Variants in OTUD7B observed in about 807,000 individuals in gnomAD.
OTUD7B encodes OTU domain-containing protein 7B.
A neutral mutation model predicts 82.2 loss-of-function variants in OTUD7B; 34 were observed. The ratio of observed to expected loss-of-function variants is 0.41; its 90% CI spans 0.31 to 0.55. The LOEUF (loss-of-function observed/expected upper bound fraction) is 0.55, where lower values mean the gene tolerates loss of function less well. Among genes scored for constraint, OTUD7B ranks in the 20% least tolerant of loss-of-function variants. The pLI is 0.20. For missense variants in OTUD7B, 944 were observed against 1,062.1 expected (o/e 0.89, Z 1.55); for synonymous variants, 398 against 402.7 (o/e 0.99, Z 0.14).
rs1396492048 is a variant in OTUD7B, at chr1:149,941,499, G to A, written c.*2358C>T. On this transcript the variant is annotated 3_prime_UTR_variant, in exon 12 of 12. Transcript: ENST00000581312. Reference sequence around the variant, plus strand: ...AATCACAGAAACAGGGACGTAACTAGGGTGAGGTGAGCAAAGCACTCACCT... The same window carrying A: ...AATCACAGAAACAGGGACGTAACTAAGGTGAGGTGAGCAAAGCACTCACCT... The A allele has an allele frequency of 6.6e-6, 1 of 152,242 alleles. No homozygotes were observed. Among genetic ancestry groups the A allele is most frequent in the African/African-American group, 2.4e-5 (1 of 41,454 alleles). The allele number at this position is 152,242 out of a possible 1,614,324, so 9.4% of individuals were successfully genotyped here.
At chr1:150,003,954 A>G (rs994664971) in intron 1 of OTUD7B, among the ~76,000 whole-genome samples, 8 of 152,124 alleles carry the variant, frequency 5.3e-5, no homozygotes, top group African/African-American at 1.7e-4. Flanking sequence ...TATACTCATC[A>G]TATTTCCCCA....
At chr1:150,049,633 CTTTTTT>C in the OTUD7B span, among the ~76,000 whole-genome samples, 1 of 132,326 alleles carries the variant, frequency 7.6e-6, no homozygotes, top group Non-Finnish European at 1.6e-5. Flanking sequence ...CTCTCTCTTT[CTTTTTT>C]TTTTTTTTTT....
At chr1:149,958,226 A>C (rs1028047574) in intron 7 of OTUD7B, among the ~76,000 whole-genome samples, 1 of 151,746 alleles carries the variant, frequency 6.6e-6, no homozygotes, top group African/African-American at 2.4e-5. Context: ...TCACGGGGCT[A>C]CCACCAGAGA....
intron 1 of OTUD7B, among the ~76,000 whole-genome samples, chr1:150,000,969 A>T (rs1435318862): frequency 1.3e-5 from 2 of 152,102 alleles, no homozygotes; most frequent in African/African-American, 4.8e-5. Context: ...ACAGAGCAAG[A>T]CTCCATCTCA....
At chr1:150,054,990 G>T in the OTUD7B span, 1 of 294,338 alleles carries the variant, frequency 3.4e-6, no homozygotes, top group Non-Finnish European at 6.7e-6. Flanking sequence ...TCTGATCTGT[G>T]TTTGCCCCGA....
chr1:149,949,217 C>T (rs1553772789), intron 9 of OTUD7B, 134 bp from the exon 10 acceptor site: 4 of 625,290 alleles, frequency 6.4e-6, no homozygotes, highest in East Asian at 2.8e-5. Flanking sequence ...TGAATTACCC[C>T]GGTATTAAAA....
intron 8 of OTUD7B, 76 bp from the exon 9 acceptor site, chr1:149,949,854 A>G (rs1648052600): frequency 8.8e-6 from 13 of 1,474,440 alleles, no homozygotes; most frequent in South Asian, 1.2e-5. Flanking sequence ...CACTCTGCCA[A>G]CTGAGTCCCT....
intron 1 of OTUD7B, among the ~76,000 whole-genome samples, chr1:149,981,006 C>A (rs1357868682): frequency 6.1e-5 from 6 of 99,158 alleles, no homozygotes; most frequent in African/African-American, 1.2e-4. Context: ...CAGAGTGAGA[C>A]CCTGTTTCAA....
At chr1:150,014,109 AGG>A (rs1553788054), upstream of OTUD7B, among the ~76,000 whole-genome samples, 1 of 101,068 alleles carries the variant, frequency 9.9e-6, no homozygotes, top group Non-Finnish European at 1.9e-5. Flanking sequence ...TATATATAGT[AGG>A]GGCTCAGCCA....
the OTUD7B span, among the ~76,000 whole-genome samples, chr1:150,039,637 A>C: frequency 2.0e-5 from 3 of 152,222 alleles, no homozygotes; most frequent in Non-Finnish European, 4.4e-5. Flanking sequence ...GGCCTCCCGA[A>C]GTGCTGGGAT....
the OTUD7B span, among the ~76,000 whole-genome samples, chr1:150,032,049 G>C: frequency 6.6e-6 from 1 of 152,124 alleles, no homozygotes; most frequent in Non-Finnish European, 1.5e-5. Flanking sequence ...GGTGGCTCAT[G>C]CCTGTAATCC....
the OTUD7B span, chr1:150,048,605 A>G: frequency 6.6e-6 from 1 of 152,086 alleles, no homozygotes. Context: ...CTTGAGCCCA[A>G]GAGTTCAAGG....
chr1:149,937,959 T>C lies in OTUD7B; in HGVS notation c.*5898A>G, dbSNP rs150202640. On this transcript the variant is annotated 3_prime_UTR_variant, in exon 12 of 12. Transcript: ENST00000581312. ...TGGCCTCAGCTTTCAGTTTCCTGTC[T>C]TGGCTGCAACTGTGGAAATAGTGAA... 174 of 152,242 alleles carry C rather than the reference T, an allele frequency of 1.1e-3. 1 individual carries two copies. The highest frequency in any genetic ancestry group is 4.1e-3 in the African/African-American group (170 of 41,502). 9.4% of individuals were successfully genotyped at this position (152,242 alleles called of 1,614,324 possible).
At chr1:149,999,434 A>G (rs782803320) in intron 1 of OTUD7B, among the ~76,000 whole-genome samples, 7 of 152,210 alleles carry the variant, frequency 4.6e-5, no homozygotes, top group Admixed American at 2.6e-4. Context: ...ATGTCAGAGA[A>G]TCCTGTCCCT....
At chr1:149,946,376 T>C (rs1022619605) in intron 11 of OTUD7B, among the ~76,000 whole-genome samples, 2 of 151,974 alleles carry the variant, frequency 1.3e-5, no homozygotes, top group Admixed American at 1.3e-4. Context: ...AAAATATATA[T>C]ATGTTTTAGT....
At chr1:150,040,999 A>T in the OTUD7B span, among the ~76,000 whole-genome samples, 1 of 151,526 alleles carries the variant, frequency 6.6e-6, no homozygotes, top group Non-Finnish European at 1.5e-5. Context: ...TGTTTGCCAC[A>T]GCGCCTGGCC....
chr1:149,963,870 A>G, intron 6 of OTUD7B: 1 of 184,678 alleles, frequency 5.4e-6, no homozygotes, highest in Non-Finnish European at 1.1e-5. Context: ...AGTCTTTAAA[A>G]ATTGATCTAG....
rs199952869 is a variant in OTUD7B, at chr1:149,967,458, T to C, written c.338A>G (p.His113Arg). 813 of 1,613,934 alleles carry C rather than the reference T, an allele frequency of 5.0e-4. No homozygotes were observed. The highest frequency in any genetic ancestry group is 3.6e-3 in the Middle Eastern group (22 of 6,062). Residue 113 changes from histidine to arginine, a missense_variant, in exon 4 of 12, where the codon CAT becomes CGT. Coordinates refer to ENST00000581312, the MANE Select transcript of OTUD7B (RefSeq NM_020205.4). ...CCCACCCCCACCATTGGAGGAGACATGGGACCGGGCCAGGGAAACAATGCT... is the reference window on the plus strand; with the variant it reads ...CCCACCCCCACCATTGGAGGAGACACGGGACCGGGCCAGGGAAACAATGCT... ...SSSIVSLARSHVSSNGGGGGS... is the reference protein window; with the variant it reads ...SSSIVSLARSRVSSNGGGGGS...
At chr1:150,050,969 C>T in the OTUD7B span, among the ~76,000 whole-genome samples, 1 of 151,288 alleles carries the variant, frequency 6.6e-6, no homozygotes, top group Non-Finnish European at 1.5e-5. Context: ...TGGCTCACGC[C>T]TGTAATTCCA....
Sources: gnomAD v4.1 joint callset for allele counts (sites outside exome capture counted in the v4.1 genomes callset) on GRCh38, gnomAD v4.1.1 for gene constraint, MANE v1.5 for transcripts, NCBI Gene and HGNC (gene_info 2026-07-23, HGNC 2026-07-21) for gene names.